The following SAMD11 variants were observed in gnomAD, a reference collection of about 807,000 sequenced individuals.
SAMD11 encodes the protein sterile alpha motif domain-containing protein 11.
In SAMD11, 77 loss-of-function variants were observed where a neutral mutation model predicts 64.4. The ratio of observed to expected loss-of-function variants is 1.20; its 90% CI spans 0.99 to 1.44. SAMD11 has a LOEUF of 1.44. SAMD11 is among the 40% of genes most tolerant of loss of function. The pLI is 0.00. For synonymous variants in SAMD11, 658 were observed against 421.9 expected, an observed-to-expected ratio of 1.56 and a Z score of -6.86; for missense variants, 1,402 against 943.3, an observed-to-expected ratio of 1.49 and a Z score of -6.37.
At chr1:937,660 C>T (rs1238913806) in intron 5 of SAMD11, among the ~76,000 whole-genome samples, 4 of 152,168 alleles carry the variant, frequency 2.6e-5, no homozygotes, top group African/African-American at 7.2e-5. Context: ...TCTCAGGGGC[C>T]TGAGCAGTGG....
intron 2 of SAMD11, among the ~76,000 whole-genome samples, chr1:929,771 C>T (rs1229911292): frequency 6.6e-6 from 1 of 152,120 alleles, no homozygotes; most frequent in East Asian, 1.9e-4. Context: ...ATGGGGTGGC[C>T]CCGACTCAGG....
chr1:944,309 A>G lies in SAMD11; in HGVS notation c.*156A>G. ...CTTCAAAGGAAAGGAACAAATTTTC[A>G]AAGACTTGGGGGAGTGAAGGCAGAG... On this transcript the variant is annotated 3_prime_UTR_variant, in exon 14 of 14. Transcript: ENST00000616016. 4.3e-6 allele frequency: 6 copies of G among 1,393,100 alleles called. No homozygotes were observed. The highest frequency in any genetic ancestry group is 5.6e-6 in the Non-Finnish European group (6 of 1,079,786). The allele number at this position is 1,393,100 out of a possible 1,614,324, so 86.3% of individuals were successfully genotyped here.
chr1:943,886 C>G, intron 13 of SAMD11, 22 bp from the exon 14 acceptor site: 2 of 1,612,984 alleles, frequency 1.2e-6, no homozygotes, highest in Non-Finnish European at 1.7e-6. Flanking sequence ...GCGACAGCCC[C>G]CACCAGGCCA....
chr1:940,219 C>T (rs1274208280), intron 7 of SAMD11: 2 of 150,938 alleles, frequency 1.3e-5, no homozygotes, highest in Non-Finnish European at 3.0e-5. Flanking sequence ...CCTGCTCTGC[C>T]TGGGGCCGCT....
In SAMD11 at chr1:944,171, G is replaced by GT; in HGVS notation, c.*19dup. On this transcript the variant is annotated 3_prime_UTR_variant, in exon 14 of 14. Coordinates refer to ENST00000616016, the MANE Select transcript of SAMD11 (RefSeq NM_001385641.1). ...TGTGTTGAGGTTGCCGGGGGTAGGG[G>GT]TGGGGCCACACAAATCTCCAGGAGC... 1 of 1,525,176 alleles carries GT rather than the reference G, an allele frequency of 6.6e-7. No homozygotes were observed. The highest frequency in any genetic ancestry group is 1.3e-5 in the South Asian group (1 of 76,216). 94.5% of individuals were successfully genotyped at this position (1,525,176 alleles called of 1,614,324 possible).
rs148884928 is a variant in SAMD11 at position 931,081 on chromosome 1, G to A, written c.834G>A (p.Ala278=). 74 of 1,612,440 alleles carry A rather than the reference G, an allele frequency of 4.6e-5. No homozygotes were observed. Among genetic ancestry groups the A allele is most frequent in the Non-Finnish European group, 5.3e-5 (63 of 1,179,608 alleles). ...ACGTGAACATCTCTTTCCGAGAGGC[G>A]TCCTGCAGGTAGGAGCCGTGCTGTG... The part of the protein sequence containing the change: ...HWDVNISFRE[A]SCSQDGNLPT... The change falls in exon 4 of 14, where the codon GCG becomes GCA. Residue 278 remains alanine, a synonymous_variant. Coordinates refer to ENST00000616016, the MANE Select transcript of SAMD11 (RefSeq NM_001385641.1).
intron 2 of SAMD11, among the ~76,000 whole-genome samples, chr1:928,188 T>C (rs1391906293): frequency 3.3e-5 from 5 of 151,790 alleles, no homozygotes; most frequent in Admixed American, 6.6e-5. Flanking sequence ...GGTCAGGAGA[T>C]CGAGACCATC....
chr1:936,795 G>A (rs767928082), intron 5 of SAMD11, among the ~76,000 whole-genome samples: 2 of 152,180 alleles, frequency 1.3e-5, no homozygotes, highest in Non-Finnish European at 2.9e-5. Context: ...TTCTGATGCC[G>A]CGTTGGAGAC....
At chr1:937,006 G>A (rs997806788) in intron 5 of SAMD11, among the ~76,000 whole-genome samples, 9 of 152,128 alleles carry the variant, frequency 5.9e-5, no homozygotes, top group East Asian at 1.9e-4. Flanking sequence ...GGGGTTGCCC[G>A]GCAGCTCTCA....
chr1:941,275 G>A lies in SAMD11; in HGVS notation c.1327G>A (p.Ala443Thr), dbSNP rs777423484. 5.0e-6 allele frequency: 8 copies of A among 1,594,724 alleles called. No individual in the cohort carries two copies. The Admixed American group carries it at 1.2e-4, about 24-fold the overall frequency. The change falls in exon 8 of 14, where the codon GCC becomes ACC. Residue 443 changes from alanine to threonine, a missense_variant. Physicochemically the swap from Ala to Thr is moderately conservative, Grantham distance 58. Coordinates refer to ENST00000616016, the MANE Select transcript of SAMD11 (RefSeq NM_001385641.1). ...CCTGGCTCAGCACCGGGAGGGCGCC[G>A]CCCCAGCTGCCGCCCCGTCCTTCTC... ...QGLAQHREGA[A>T]PAAAPSFSER...
chr1:942,482 T>G lies in SAMD11; in HGVS notation c.1547T>G (p.Leu516Arg). ...CAGGAGCTCCTGCGGAAGCAGAACC[T>G]GGCCCGGTAGGTGCGGGGAGGCGGG... is the stretch of plus-strand genomic sequence containing the variant. Reference protein sequence around the residue: ...WQQELLRKQNLARLELPADLL... With the variant: ...WQQELLRKQNRARLELPADLL... Residue 516 changes from leucine to arginine, a missense_variant, in exon 10 of 14, where the codon CTG (leucine) becomes CGG (arginine). Leu to Arg is a moderately radical substitution (Grantham distance 102, BLOSUM62 -2). Coordinates refer to ENST00000616016, the MANE Select transcript of SAMD11 (RefSeq NM_001385641.1). 1 of 1,478,230 alleles carries G rather than the reference T, an allele frequency of 6.8e-7. No homozygotes were observed. The allele number at this position is 1,478,230 out of a possible 1,614,324, so 91.6% of individuals were successfully genotyped here.
intron 5 of SAMD11, among the ~76,000 whole-genome samples, chr1:938,504 G>A (rs989988259): frequency 9.9e-5 from 15 of 152,186 alleles, no homozygotes; most frequent in Non-Finnish European, 1.8e-4. Flanking sequence ...GCAGGGATGG[G>A]TATGACCAAG....
At chr1:941,619 G>C (rs1030999393) in intron 8 of SAMD11, among the ~76,000 whole-genome samples, 3 of 152,144 alleles carry the variant, frequency 2.0e-5, no homozygotes, top group African/African-American at 7.2e-5. Flanking sequence ...GAGGCGGAGG[G>C]GGGGTCCTGG....
chr1:930,977 A>G, intron 3 of SAMD11, 62 bp from the exon 4 acceptor site: 1 of 1,539,506 alleles, frequency 6.5e-7, no homozygotes, highest in Non-Finnish European at 9.0e-7. Flanking sequence ...ACGCCCTGCT[A>G]TCCTGAGGCT....
At position 942,676 on chromosome 1, in the gene SAMD11, CG is replaced by C; in HGVS notation, c.1675del (p.Ala559ProfsTer5). The C allele has an allele frequency of 2.8e-6, 4 of 1,433,442 alleles. No individual in the cohort carries two copies. The South Asian group carries it at 4.2e-5, about 15-fold the overall frequency. 88.8% of individuals were successfully genotyped at this position (1,433,442 alleles called of 1,614,324 possible). ...ACGGCGCCGAGGAGCTGCAGCGGCG[CG>C]GGGCCCTGCTGGTGCTGAACCACGG... Reference protein sequence around the residue: ...NDGAEELQRRGALLVLNHGAA... With the variant: ...NDGAEELQRRXALLVLNHGAA... On this transcript the variant is annotated frameshift_variant, in exon 11 of 14. Coordinates refer to ENST00000616016, the MANE Select transcript of SAMD11 (RefSeq NM_001385641.1). LOFTEE classifies it high-confidence loss of function.
At chr1:930,980 C>G in intron 3 of SAMD11, 59 bp from the exon 4 acceptor site, 1 of 1,556,996 alleles carries the variant, frequency 6.4e-7, no homozygotes, top group South Asian at 1.1e-5. Flanking sequence ...CCCTGCTATC[C>G]TGAGGCTGGG....
chr1:936,847 C>T (rs540616052), intron 5 of SAMD11, among the ~76,000 whole-genome samples: 3 of 152,308 alleles, frequency 2.0e-5, no homozygotes, highest in African/African-American at 7.2e-5. Context: ...CCCATCGATC[C>T]AGCAGAGCGG....
chr1:937,504 A>T (rs1641521750), intron 5 of SAMD11, among the ~76,000 whole-genome samples: 1 of 147,848 alleles, frequency 6.8e-6, no homozygotes, highest in African/African-American at 2.5e-5. Context: ...GATTGCCAGG[A>T]GGTGAGAGGC....
chr1:927,458 C>T lies in SAMD11; in HGVS notation c.609+1445C>T, dbSNP rs762095841. 3.4e-4 allele frequency among the ~76,000 whole-genome samples: 52 copies of T among 152,174 alleles called. 1 individual carries two copies. The highest frequency in any genetic ancestry group is 6.5e-5 in the Admixed American group (1 of 15,290). On this transcript the variant is annotated intron_variant, in intron 2 of 13. Coordinates refer to ENST00000616016, the MANE Select transcript of SAMD11 (RefSeq NM_001385641.1). ...CCAGGAGATGCCCCCCCACCTGGGGCTCCCAGGTCCCTGCCCTGCGTGAGG... is the reference window on the plus strand; with the variant it reads ...CCAGGAGATGCCCCCCCACCTGGGGTTCCCAGGTCCCTGCCCTGCGTGAGG...
Sources: allele counts gnomAD v4.1 joint callset (sites outside exome capture counted in the v4.1 genomes callset), GRCh38; gene constraint gnomAD v4.1.1; transcripts MANE v1.5; gene names NCBI Gene and HGNC (gene_info 2026-07-23, HGNC 2026-07-21).